CEP57L1: variants seen among roughly 807,000 people sequenced by gnomAD.
CEP57L1 encodes centrosomal protein CEP57L1.
CEP57L1 carries 37 observed loss-of-function variants against 61.0 expected under a neutral mutation model. The ratio of observed to expected loss-of-function variants is 0.61; its 90% CI spans 0.47 to 0.80. The LOEUF (loss-of-function observed/expected upper bound fraction) is 0.80. Ranked by LOEUF, CEP57L1 falls within the 30% of genes least tolerant of loss-of-function variation. The probability of loss-of-function intolerance (pLI) is 0.00; values close to 1 mark genes in which losing one functional copy is unlikely to be tolerated. For missense variants in CEP57L1, 422 were observed against 524.7 expected, an observed-to-expected ratio of 0.80 and a Z score of 1.91; for synonymous variants, 137 against 162.3, an observed-to-expected ratio of 0.84 and a Z score of 1.19.
intron 4 of CEP57L1, among the ~76,000 whole-genome samples, chr6:109,150,587 G>A (rs559706446): frequency 4.0e-5 from 6 of 151,790 alleles, no homozygotes; most frequent in Admixed American, 2.0e-4. Context: ...GCTTGAACCC[G>A]GGAGGCAGAG....
chr6:109,138,691 G>A (rs984400505), intron 1 of CEP57L1, among the ~76,000 whole-genome samples: 1 of 152,160 alleles, frequency 6.6e-6, no homozygotes, highest in Non-Finnish European at 1.5e-5. Flanking sequence ...TGCCTTGTTT[G>A]AAATGTTAAA....
chr6:109,131,741 C>G lies in CEP57L1; in HGVS notation c.-3-13478C>G, dbSNP rs78097730. On this transcript the variant is annotated intron_variant, in intron 1 of 10. Transcript: ENST00000517392. Reference sequence around the variant, plus strand: ...CAGCAAAGTAAGGTGAAAATACAAGCCTGTAAATAATGAGAAGGCCCAATT... The same window carrying G: ...CAGCAAAGTAAGGTGAAAATACAAGGCTGTAAATAATGAGAAGGCCCAATT... Among the ~76,000 whole-genome samples, 1,266 of 151,826 alleles carry G rather than the reference C, an allele frequency of 8.3e-3. 24 individuals are homozygous for G. Among genetic ancestry groups the G allele is most frequent in the African/African-American group, 0.029 (1,213 of 41,342 alleles).
At chr6:109,141,408 G>C (rs74637354) in intron 1 of CEP57L1, among the ~76,000 whole-genome samples, 6 of 149,688 alleles carry the variant, frequency 4.0e-5, no homozygotes, top group African/African-American at 1.5e-4. Flanking sequence ...GTAGTGACAG[G>C]GTTTCACTGT....
intron 10 of CEP57L1, 146 bp downstream of exon 10, chr6:109,160,862 T>A: frequency 4.6e-6 from 3 of 654,958 alleles, no homozygotes; most frequent in Non-Finnish European, 7.1e-6. Flanking sequence ...TATGACAGAA[T>A]AGAGCCATCT....
chr6:109,120,687 A>G (rs1475165179), intron 1 of CEP57L1, among the ~76,000 whole-genome samples: 1 of 151,936 alleles, frequency 6.6e-6, no homozygotes, highest in African/African-American at 2.4e-5. Context: ...TTATACTAAC[A>G]TATCATCCCA....
intron 1 of CEP57L1, chr6:109,129,422 C>A: frequency 1.4e-6 from 1 of 699,022 alleles, no homozygotes; most frequent in African/African-American, 1.8e-5. Context: ...GAGTGTCCCC[C>A]AATCCAGAGA....
At chr6:109,152,285 A>T (rs1018919917) in intron 4 of CEP57L1, among the ~76,000 whole-genome samples, 1 of 152,072 alleles carries the variant, frequency 6.6e-6, no homozygotes, top group African/African-American at 2.4e-5. Context: ...GGTTCAAGCA[A>T]TTCTCCTGCC....
chr6:109,128,606 A>T (rs1007919488), intron 1 of CEP57L1, among the ~76,000 whole-genome samples: 10 of 152,104 alleles, frequency 6.6e-5, no homozygotes, highest in African/African-American at 2.4e-4. Flanking sequence ...TTACCTCCCT[A>T]TGGTCTAATC....
intron 1 of CEP57L1, among the ~76,000 whole-genome samples, chr6:109,113,548 C>T (rs1331649955): frequency 1.3e-5 from 2 of 152,006 alleles, no homozygotes; most frequent in Non-Finnish European, 2.9e-5. Flanking sequence ...GAAAAATGCT[C>T]TCAATATATA....
At chr6:109,104,804 C>A (rs1000101727) in intron 1 of CEP57L1, among the ~76,000 whole-genome samples, 11 of 152,054 alleles carry the variant, frequency 7.2e-5, no homozygotes, top group Admixed American at 3.3e-4. Flanking sequence ...CCAGGCTGAT[C>A]TTGAACTCCT....
chr6:109,137,073 A>G (rs1353746679), intron 1 of CEP57L1, among the ~76,000 whole-genome samples: 1 of 152,144 alleles, frequency 6.6e-6, no homozygotes, highest in Non-Finnish European at 1.5e-5. Context: ...ATCTTTAAAC[A>G]TTGTAATACC....
Position 109,110,702 on chromosome 6 carries a change from G to A in CEP57L1, c.-4+15127G>A, listed in dbSNP as rs141254069. Among the ~76,000 whole-genome samples the A allele has an allele frequency of 8.3e-3, 1,264 of 152,178 alleles. 24 individuals are homozygous for A. Among genetic ancestry groups the A allele is most frequent in the African/African-American group, 0.029 (1,213 of 41,526 alleles). The stretch of plus-strand genomic sequence containing the variant: ...TAATCCATCTTAAGTTAATTTTTGT[G>A]TAAGGTGTAAGGGAGGGATCCAGTT... On this transcript the variant is annotated intron_variant, in intron 1 of 10. Coordinates refer to ENST00000517392, the MANE Select transcript of CEP57L1 (RefSeq NM_001271852.3).
intron 1 of CEP57L1, among the ~76,000 whole-genome samples, chr6:109,137,213 G>T (rs757542225): frequency 3.3e-5 from 5 of 151,826 alleles, no homozygotes; most frequent in Admixed American, 2.6e-4. Context: ...TTTTTATTTT[G>T]ATTTTGTTTT....
intron 1 of CEP57L1, among the ~76,000 whole-genome samples, chr6:109,131,774 G>C (rs764029130): frequency 5.3e-5 from 8 of 152,086 alleles, no homozygotes; most frequent in Non-Finnish European, 7.4e-5. Context: ...ATTCTGTGGA[G>C]ATAAGTGAGC....
intron 1 of CEP57L1, among the ~76,000 whole-genome samples, chr6:109,101,384 T>G (rs1782377714): frequency 6.6e-6 from 1 of 152,208 alleles, no homozygotes; most frequent in African/African-American, 2.4e-5. Context: ...TCATTTGTTT[T>G]TATCACTGAA....
Position 109,150,126 on chromosome 6 carries a change from A to G in CEP57L1, c.349A>G (p.Ile117Val), listed in dbSNP as rs370261768. Residue 117 changes from isoleucine to valine, a missense_variant, in exon 4 of 11, where the codon ATA becomes GTA. Physicochemically the swap from Ile to Val is conservative, Grantham distance 29. Transcript: ENST00000517392. ...TACCCTTTATTTCATAGATATAAGT[A>G]TACAGTTAAGCTCAGCCCAGTCTCG... ...ELIKQKKDIS[I>V]QLSSAQSRCT... The G allele has an allele frequency of 1.5e-5, 24 of 1,592,562 alleles. No homozygotes were observed. Among genetic ancestry groups the G allele is most frequent in the East Asian group, 4.5e-5 (2 of 44,606 alleles).
intron 1 of CEP57L1, among the ~76,000 whole-genome samples, chr6:109,105,105 T>C (rs1401041532): frequency 2.0e-5 from 3 of 152,138 alleles, no homozygotes; most frequent in African/African-American, 7.2e-5. Context: ...TGTTTCTGTA[T>C]TTCAGATACT....
At position 109,145,320 on chromosome 6, in the gene CEP57L1, T is replaced by A; in HGVS notation, c.99T>A (p.Asn33Lys). Residue 33 changes from asparagine (N) to lysine (K), a missense_variant, in exon 2 of 11, where the codon AAT becomes AAA. Physicochemically the swap from Asn to Lys is moderately conservative, Grantham distance 94 (BLOSUM62 0). Transcript: ENST00000517392. ...TCACCCAGAATGAACCATCTCAGAA[T>A]TGCCATCCTGCAAACTTAGAAGTTA... ...PSFTQNEPSQ[N>K]CHPANLEVTS... The A allele has an allele frequency of 6.2e-7, 1 of 1,611,970 alleles. No homozygotes were observed. The highest frequency in any genetic ancestry group is 2.2e-5 in the East Asian group (1 of 44,750).
rs2114943209 is a variant in CEP57L1 at position 109,157,270 on chromosome 6, G to A, written c.744+1393G>A. ...GCTAAAGTTGCTGAAAGTAGGATCA[G>A]ATTTCAAGAAGCCTCTATGAGAGAT... On this transcript the variant is annotated intron_variant, in intron 7 of 10. Transcript: ENST00000517392. The A allele has an allele frequency of 2.0e-5, 3 of 152,274 alleles. No homozygotes were observed. The South Asian group carries it at 6.2e-4, about 32-fold the overall frequency. 9.4% of individuals were successfully genotyped at this position (152,274 alleles called of 1,614,324 possible).
Sources: gnomAD v4.1 joint callset for allele counts (sites outside exome capture counted in the v4.1 genomes callset) on GRCh38, gnomAD v4.1.1 for gene constraint, MANE v1.5 for transcripts, NCBI Gene and HGNC (gene_info 2026-07-23, HGNC 2026-07-21) for gene names.